UGT1A8: variants seen among roughly 807,000 people sequenced by gnomAD.
UGT1A8 encodes the protein UDP glucuronosyltransferase family 1 member A8, also known as UDP-glucuronosyltransferase 1A8.
UGT1A8 carries 39 observed loss-of-function variants against 45.3 expected under a neutral mutation model. The ratio of observed to expected loss-of-function variants is 0.86; its 90% CI spans 0.67 to 1.12. The LOEUF (loss-of-function observed/expected upper bound fraction) is 1.12, where lower values mean the gene tolerates loss of function less well. Ranked by LOEUF, UGT1A8 falls within the 50% of genes most tolerant of loss-of-function variation. The probability of loss-of-function intolerance (pLI) is 0.00; values close to 1 mark genes in which losing one functional copy is unlikely to be tolerated. For missense variants in UGT1A8, 719 were observed against 664.9 expected (o/e 1.08, Z -0.90); for synonymous variants, 275 against 249.2 (o/e 1.10, Z -0.97).
intron 1 of UGT1A8, among the ~76,000 whole-genome samples, chr2:233,660,311 T>C (rs570294863): frequency 6.6e-6 from 1 of 152,196 alleles, no homozygotes; most frequent in Non-Finnish European, 1.5e-5. Context: ...TTAAAGTGCC[T>C]TGTAACCCCT....
chr2:233,642,870 GTC>G (rs1202277598), intron 1 of UGT1A8, among the ~76,000 whole-genome samples: 6 of 151,148 alleles, frequency 4.0e-5, no homozygotes, highest in South Asian at 2.1e-4. Context: ...AAAATACAGA[GTC>G]TCTCTCTCTC....
At chr2:233,721,315 T>C (rs1187847952) in intron 1 of UGT1A8, among the ~76,000 whole-genome samples, 1 of 152,192 alleles carries the variant, frequency 6.6e-6, no homozygotes, top group Non-Finnish European at 1.5e-5. Context: ...ATTGTGGCTC[T>C]TTTCTTGTGG....
chr2:233,693,756 C>G, intron 1 of UGT1A8: 1 of 1,614,248 alleles, frequency 6.2e-7, no homozygotes, highest in Non-Finnish European at 8.5e-7. Flanking sequence ...CAGAAGGTCT[C>G]TGTTTGGCTG....
chr2:233,759,176 C>T (rs982253420), intron 1 of UGT1A8, among the ~76,000 whole-genome samples: 3 of 152,132 alleles, frequency 2.0e-5, no homozygotes, highest in African/African-American at 4.8e-5. Flanking sequence ...GCAGGTTTCA[C>T]GGCAAAAAGT....
chr2:233,710,040 G>A (rs2076105613), intron 1 of UGT1A8, among the ~76,000 whole-genome samples: 1 of 152,178 alleles, frequency 6.6e-6, no homozygotes, highest in Non-Finnish European at 1.5e-5. Flanking sequence ...TTTTGTGTCT[G>A]GCCTCTTTGG....
intron 1 of UGT1A8, among the ~76,000 whole-genome samples, chr2:233,686,441 G>A (rs1461606280): frequency 6.6e-6 from 1 of 152,040 alleles, no homozygotes; most frequent in Non-Finnish European, 1.5e-5. Context: ...TTGACATGGA[G>A]GCTCTCCCAT....
At chr2:233,747,961 G>A (rs529720964) in intron 1 of UGT1A8, 1 of 1,613,428 alleles carries the variant, frequency 6.2e-7, no homozygotes, top group South Asian at 1.1e-5. Context: ...GATCTTCTCA[G>A]CCATGCATCT....
intron 1 of UGT1A8, chr2:233,713,927 C>G: frequency 6.2e-7 from 1 of 1,611,918 alleles, no homozygotes; most frequent in East Asian, 2.2e-5. Context: ...TATTTACTTA[C>G]AAGTGCTTCC....
At chr2:233,637,476 A>T in intron 1 of UGT1A8, 1 of 1,498,470 alleles carries the variant, frequency 6.7e-7, no homozygotes. Flanking sequence ...CGTTTGTTGC[A>T]TTTCAAATTT....
chr2:233,681,509 T>A (rs2074525662), intron 1 of UGT1A8, among the ~76,000 whole-genome samples: 1 of 126,004 alleles, frequency 7.9e-6, no homozygotes, highest in Admixed American at 1.0e-4. Context: ...CCAGCCTGGA[T>A]GACACAGTGA....
intron 1 of UGT1A8, among the ~76,000 whole-genome samples, chr2:233,714,930 G>A (rs1185708526): frequency 6.6e-6 from 1 of 152,040 alleles, no homozygotes; most frequent in Non-Finnish European, 1.5e-5. Flanking sequence ...AGTCTGGAGT[G>A]CAGTGGTGGG....
At chr2:233,620,211 G>A (rs935547701) in intron 1 of UGT1A8, among the ~76,000 whole-genome samples, 13 of 152,206 alleles carry the variant, frequency 8.5e-5, no homozygotes, top group Non-Finnish European at 1.9e-4. Flanking sequence ...GAAGACTACA[G>A]TTGTAGGCCT....
intron 1 of UGT1A8, chr2:233,713,127 G>A: frequency 6.2e-7 from 1 of 1,614,246 alleles, no homozygotes; most frequent in Non-Finnish European, 8.5e-7. Flanking sequence ...CAGCATGCGG[G>A]AGGCCTTGCG....
chr2:233,630,311 C>G (rs1237742926), intron 1 of UGT1A8, among the ~76,000 whole-genome samples: 1 of 152,130 alleles, frequency 6.6e-6, no homozygotes, highest in Non-Finnish European at 1.5e-5. Flanking sequence ...AAGGAGCCAT[C>G]TTGTGCTCCT....
In UGT1A8 at chr2:233,682,719, A is replaced by G. The variant is rs149070815; in HGVS notation, c.855+64157A>G. On this transcript the variant is annotated intron_variant, in intron 1 of 4. Transcript: ENST00000373450. ...TTGCGAACTGACTTTGTTTTGGAGT[A>G]TCCCAAACCCGTGATGCCCAATATG... 90 of 1,613,892 alleles carry G rather than the reference A, an allele frequency of 5.6e-5. No individual in the cohort carries two copies. The highest frequency in any genetic ancestry group is 5.0e-4 in the Middle Eastern group (3 of 6,054).
chr2:233,660,464 A>G (rs555722588), intron 1 of UGT1A8, among the ~76,000 whole-genome samples: 4 of 152,286 alleles, frequency 2.6e-5, no homozygotes, highest in African/African-American at 9.6e-5. Flanking sequence ...TTTAGTGGCA[A>G]GGTATTTCTG....
intron 1 of UGT1A8, chr2:233,691,663 G>T (rs771214471): frequency 5.1e-6 from 5 of 983,276 alleles, no homozygotes; most frequent in Non-Finnish European, 6.0e-6. Flanking sequence ...CTCCCTTTCT[G>T]GGCCTCAGTT....
intron 1 of UGT1A8, among the ~76,000 whole-genome samples, chr2:233,638,178 C>T (rs1306119324): frequency 6.6e-6 from 1 of 152,128 alleles, no homozygotes; most frequent in Non-Finnish European, 1.5e-5. Context: ...ACATATATGT[C>T]TCACTATTTA....
chr2:233,727,024 C>A (rs1363887346), intron 1 of UGT1A8, among the ~76,000 whole-genome samples: 2 of 152,054 alleles, frequency 1.3e-5, no homozygotes, highest in African/African-American at 4.8e-5. Flanking sequence ...TGTTTTTGTA[C>A]CCTAAGGAAT....
Sources: gnomAD v4.1 joint callset for allele counts (sites outside exome capture counted in the v4.1 genomes callset) on GRCh38, gnomAD v4.1.1 for gene constraint, MANE v1.5 for transcripts, NCBI Gene and HGNC (gene_info 2026-07-23, HGNC 2026-07-21) for gene names.